Variants in RIT2 observed in about 807,000 individuals in gnomAD.
RIT2 encodes the protein GTP-binding protein Rit2.
In RIT2, 24 loss-of-function variants were observed where a neutral mutation model predicts 23.7. That is an observed-to-expected ratio of 1.01 (90% CI 0.73 to 1.43). RIT2 has a LOEUF of 1.43. Ranked by LOEUF, RIT2 falls within the 40% of genes most tolerant of loss-of-function variation. RIT2 has a pLI of 0.00. For missense variants in RIT2, 236 were observed against 266.9 expected, an observed-to-expected ratio of 0.88 and a Z score of 0.81; for synonymous variants, 107 against 91.1, an observed-to-expected ratio of 1.17 and a Z score of -0.99.
chr18:43,060,594 A>G (rs1372834341), intron 1 of RIT2, among the ~76,000 whole-genome samples: 2 of 152,154 alleles, frequency 1.3e-5, no homozygotes, highest in African/African-American at 2.4e-5. Context: ...CCAGCCAATG[A>G]TGCCAATGAT....
chr18:42,961,995 T>G (rs1417087392), intron 3 of RIT2, among the ~76,000 whole-genome samples: 1 of 152,174 alleles, frequency 6.6e-6, no homozygotes, highest in Non-Finnish European at 1.5e-5. Flanking sequence ...CACCTATGTT[T>G]TGCCTATTTT....
intron 4 of RIT2, among the ~76,000 whole-genome samples, chr18:42,900,475 C>T (rs1256191480): frequency 6.6e-6 from 1 of 151,992 alleles, no homozygotes; most frequent in Non-Finnish European, 1.5e-5. Flanking sequence ...TGCATAGCCT[C>T]ATTGCACTAT....
At chr18:43,094,128 T>TTG (rs1913492393) in intron 1 of RIT2, among the ~76,000 whole-genome samples, 1 of 130,302 alleles carries the variant, frequency 7.7e-6, no homozygotes, top group South Asian at 2.4e-4. Context: ...TTTTTGTTTT[T>TTG]TTTTTTTTTT....
intron 4 of RIT2, among the ~76,000 whole-genome samples, chr18:42,794,659 A>G (rs898850187): frequency 1.3e-5 from 2 of 152,216 alleles, no homozygotes; most frequent in South Asian, 4.1e-4. Context: ...ATGTCTGTGC[A>G]AACAGCTGAA....
rs75346657 is a variant in RIT2 at position 42,761,385 on chromosome 18, T to C, written c.427-17665A>G. 1.2e-4 allele frequency among the ~76,000 whole-genome samples: 18 copies of C among 152,288 alleles called. No individual in the cohort carries two copies. The East Asian group carries it at 2.9e-3, about 25-fold the overall frequency. ...AAAGAAATCCCTAAGCATTTGCTTA[T>C]CACTTGTCTATTATTACAAGTAACA... On this transcript the variant is annotated intron_variant, in intron 4 of 4. Transcript: ENST00000326695.
At chr18:42,744,422 T>G (rs1425029968) in intron 4 of RIT2, among the ~76,000 whole-genome samples, 1 of 152,202 alleles carries the variant, frequency 6.6e-6, no homozygotes, top group African/African-American at 2.4e-5. Flanking sequence ...AAAGTATGAC[T>G]GATTAAAAAA....
intron 4 of RIT2, among the ~76,000 whole-genome samples, chr18:42,875,939 T>C (rs1395157717): frequency 3.3e-5 from 5 of 152,018 alleles, no homozygotes; most frequent in Non-Finnish European, 5.9e-5. Context: ...ATGTCATTTA[T>C]CACCACAGAG....
chr18:42,850,603 G>A (rs1444754927), intron 4 of RIT2, among the ~76,000 whole-genome samples: 1 of 152,026 alleles, frequency 6.6e-6, no homozygotes, highest in Admixed American at 6.5e-5. Flanking sequence ...ATTTTCTAGT[G>A]ACAAAATTCA....
At chr18:42,893,211 G>C (rs948297810) in intron 4 of RIT2, among the ~76,000 whole-genome samples, 1 of 121,462 alleles carries the variant, frequency 8.2e-6, no homozygotes, top group Admixed American at 9.3e-5. Context: ...GGGAAACAGA[G>C]CGAGACTCCG....
intron 4 of RIT2, among the ~76,000 whole-genome samples, chr18:42,837,153 CTTTTTTTT>C (rs570701535): frequency 1.9e-5 from 1 of 51,702 alleles, no homozygotes; most frequent in East Asian, 6.5e-4. Flanking sequence ...TTTTCTTTTT[CTTTTTTTT>C]TTTTTTTTTT....
intron 4 of RIT2, among the ~76,000 whole-genome samples, chr18:42,837,153 C>T (rs140712716): frequency 6.7e-3 from 345 of 51,660 alleles, no homozygotes; most frequent in Non-Finnish European, 8.8e-3. Flanking sequence ...TTTTCTTTTT[C>T]TTTTTTTTTT....
chr18:42,967,627 G>A (rs900808629), intron 3 of RIT2, among the ~76,000 whole-genome samples: 1 of 141,430 alleles, frequency 7.1e-6, no homozygotes, highest in African/African-American at 2.7e-5. Flanking sequence ...TGCTGACCTC[G>A]TGATCCGCTC....
At chr18:42,858,147 C>T (rs1377346453) in intron 4 of RIT2, among the ~76,000 whole-genome samples, 2 of 152,298 alleles carry the variant, frequency 1.3e-5, no homozygotes, top group Middle Eastern at 3.4e-3. Flanking sequence ...AGCCATTGCA[C>T]TCCAGCCAGA....
At chr18:42,865,266 T>C (rs1214780279) in intron 4 of RIT2, among the ~76,000 whole-genome samples, 1 of 152,178 alleles carries the variant, frequency 6.6e-6, no homozygotes, top group African/African-American at 2.4e-5. Flanking sequence ...GGGCATGCTA[T>C]GTTGGGCCTC....
At chr18:43,067,943 C>G (rs1568072456) in intron 1 of RIT2, among the ~76,000 whole-genome samples, 1 of 152,032 alleles carries the variant, frequency 6.6e-6, no homozygotes, top group African/African-American at 2.4e-5. Flanking sequence ...CAAGACTATA[C>G]TGAGAGAGAA....
At chr18:42,965,300 C>G (rs1261842564) in intron 3 of RIT2, among the ~76,000 whole-genome samples, 2 of 152,106 alleles carry the variant, frequency 1.3e-5, no homozygotes, top group African/African-American at 4.8e-5. Context: ...GAAATATTTT[C>G]TCTTACCTAA....
At chr18:42,795,559 C>T (rs1905320236) in intron 4 of RIT2, among the ~76,000 whole-genome samples, 1 of 152,234 alleles carries the variant, frequency 6.6e-6, no homozygotes, top group African/African-American at 2.4e-5. Flanking sequence ...CGGATGAGCG[C>T]AGCCCCCTGC....
At chr18:43,084,691 A>G (rs2144352133) in intron 1 of RIT2, among the ~76,000 whole-genome samples, 1 of 152,214 alleles carries the variant, frequency 6.6e-6, no homozygotes, top group South Asian at 2.1e-4. Context: ...ATGAGAACAC[A>G]TGGACACAGG....
intron 4 of RIT2, among the ~76,000 whole-genome samples, chr18:42,915,043 A>T (rs1035481940): frequency 6.6e-6 from 1 of 151,946 alleles, no homozygotes; most frequent in Non-Finnish European, 1.5e-5. Flanking sequence ...ACACACAGCT[A>T]GTGCTCCTGA....
Sources: allele counts gnomAD v4.1 joint callset (sites outside exome capture counted in the v4.1 genomes callset), GRCh38; gene constraint gnomAD v4.1.1; transcripts MANE v1.5; gene names NCBI Gene and HGNC (gene_info 2026-07-23, HGNC 2026-07-21).